The following RBFOX1 variants were observed in gnomAD, a reference collection of about 807,000 sequenced individuals.
RBFOX1 encodes the protein RNA binding protein fox-1 homolog 1.
A neutral mutation model predicts 57.7 loss-of-function variants in RBFOX1; 8 were observed. That is an observed-to-expected ratio of 0.14 (90% CI 0.08 to 0.25). The LOEUF (loss-of-function observed/expected upper bound fraction) is 0.25. Ranked by LOEUF, RBFOX1 falls within the 10% of genes least tolerant of loss-of-function variation. The pLI is 1.00. For synonymous variants in RBFOX1, 326 were observed against 222.4 expected (o/e 1.47, Z -4.15); for missense variants, 611 against 548.5 (o/e 1.11, Z -1.14).
At chr16:5,636,275 G>T (rs1236899523) in intron 3 of RBFOX1, among the ~76,000 whole-genome samples, 1 of 152,204 alleles carries the variant, frequency 6.6e-6, no homozygotes, top group Non-Finnish European at 1.5e-5. Flanking sequence ...TTAAACCCGG[G>T]AGGTGGAAGT....
intron 1 of RBFOX1, among the ~76,000 whole-genome samples, chr16:5,339,659 A>G (rs1342557565): frequency 1.3e-5 from 2 of 151,338 alleles, no homozygotes; most frequent in Admixed American, 1.3e-4. Context: ...TTGTATTTTT[A>G]GTAGAGATGG....
intron 4 of RBFOX1, among the ~76,000 whole-genome samples, chr16:7,079,351 A>G (rs1376170754): frequency 2.0e-5 from 3 of 152,188 alleles, no homozygotes; most frequent in African/African-American, 7.2e-5. Context: ...GAAGGGGAGC[A>G]GAGGAAAGGT....
chr16:7,566,890 C>T (rs2091814533), intron 5 of RBFOX1, among the ~76,000 whole-genome samples: 1 of 151,838 alleles, frequency 6.6e-6, no homozygotes, highest in Non-Finnish European at 1.5e-5. Context: ...GTATTTTCCC[C>T]CCAAAAGGTG....
intron 4 of RBFOX1, among the ~76,000 whole-genome samples, chr16:7,460,561 AC>A (rs1035746854): frequency 6.8e-6 from 1 of 147,434 alleles, no homozygotes; most frequent in African/African-American, 2.6e-5. Context: ...AGTGGGGTCT[AC>A]CAGAGGGTGG....
At chr16:7,202,558 G>T (rs1269276744) in intron 4 of RBFOX1, among the ~76,000 whole-genome samples, 5 of 152,290 alleles carry the variant, frequency 3.3e-5, no homozygotes. Flanking sequence ...GGCCTGTTAG[G>T]AATTGGGCTG....
At chr16:5,983,912 T>TCCCC (rs2060224792) in intron 4 of RBFOX1, among the ~76,000 whole-genome samples, 6 of 130,476 alleles carry the variant, frequency 4.6e-5, no homozygotes, top group Admixed American at 8.1e-5. Context: ...CTCCTCCTCC[T>TCCCC]CTTCCTCCTC....
chr16:6,660,263 A>G lies in RBFOX1; in HGVS notation c.-16+5613A>G, dbSNP rs181103924. 1.5e-4 allele frequency among the ~76,000 whole-genome samples: 23 copies of G among 151,718 alleles called. No individual in the cohort carries two copies. The East Asian group carries it at 4.1e-3, about 27-fold the overall frequency. On this transcript the variant is annotated intron_variant, in intron 3 of 15. Transcript: ENST00000550418. The stretch of plus-strand genomic sequence containing the variant: ...AAAAGCAAGAAATTCTTGCTTAAAG[A>G]GTATTACGGAAAATAGCTAATGCAT...
intron 3 of RBFOX1, among the ~76,000 whole-genome samples, chr16:5,678,875 G>T (rs956818181): frequency 5.9e-5 from 9 of 152,170 alleles, no homozygotes; most frequent in African/African-American, 1.9e-4. Flanking sequence ...TGTAGACCCA[G>T]CTCATGGGTA....
intron 4 of RBFOX1, among the ~76,000 whole-genome samples, chr16:7,299,823 C>T (rs140141958): frequency 2.0e-5 from 3 of 152,338 alleles, no homozygotes; most frequent in African/African-American, 7.2e-5. Flanking sequence ...TGTAGACATG[C>T]TCCTCAGTTT....
At position 7,642,433 on chromosome 16, in the gene RBFOX1, G is replaced by A. The variant is rs147739477; in HGVS notation, c.758-11382G>A. Among the ~76,000 whole-genome samples the A allele has an allele frequency of 1.5e-3, 234 of 152,166 alleles. 1 individual carries two copies. The highest frequency in any genetic ancestry group is 2.6e-3 in the Non-Finnish European group (180 of 68,020). On this transcript the variant is annotated intron_variant, in intron 11 of 15. Coordinates refer to ENST00000550418, the MANE Select transcript of RBFOX1 (RefSeq NM_018723.4). The stretch of plus-strand genomic sequence containing the variant: ...GAAATGAACAATGCATGTGCGTCGC[G>A]TACCCATCTTGTGAGCCACCGTCAG...
At chr16:6,664,673 C>T (rs1023611997) in intron 3 of RBFOX1, among the ~76,000 whole-genome samples, 1 of 152,182 alleles carries the variant, frequency 6.6e-6, no homozygotes, top group African/African-American at 2.4e-5. Context: ...AATCCAGTGT[C>T]TGAAATTGCG....
At chr16:6,043,806 T>A (rs1002685195) in intron 1 of RBFOX1, among the ~76,000 whole-genome samples, 1 of 152,040 alleles carries the variant, frequency 6.6e-6, no homozygotes, top group Admixed American at 6.6e-5. Context: ...GGTGGGAGAT[T>A]GGAGGGAGGT....
chr16:6,907,910 T>A (rs972511582), intron 3 of RBFOX1, among the ~76,000 whole-genome samples: 17 of 151,640 alleles, frequency 1.1e-4, no homozygotes, highest in African/African-American at 3.6e-4. Context: ...GGGTGCTCCT[T>A]GCTTGTAGAT....
intron 3 of RBFOX1, among the ~76,000 whole-genome samples, chr16:6,773,536 G>A (rs2078790408): frequency 1.5e-5 from 2 of 129,564 alleles, no homozygotes; most frequent in African/African-American, 6.0e-5. Flanking sequence ...CATTTGTGTT[G>A]GGGGGCATAG....
chr16:7,172,861 G>T (rs578229402), intron 4 of RBFOX1, among the ~76,000 whole-genome samples: 35 of 152,256 alleles, frequency 2.3e-4, no homozygotes, highest in African/African-American at 8.4e-4. Flanking sequence ...TGGGGAGATG[G>T]TTATCTGCCT....
chr16:6,611,457 G>A (rs2154025067), intron 2 of RBFOX1, among the ~76,000 whole-genome samples: 1 of 152,216 alleles, frequency 6.6e-6, no homozygotes, highest in East Asian at 1.9e-4. Context: ...GTCTTCATCT[G>A]CTTTTACATG....
intron 5 of RBFOX1, among the ~76,000 whole-genome samples, chr16:7,537,945 A>G (rs1279675894): frequency 6.6e-6 from 1 of 152,240 alleles, no homozygotes; most frequent in Non-Finnish European, 1.5e-5. Context: ...ATTGATCCCA[A>G]TTAAATTTAT....
chr16:7,171,611 C>G (rs1319153763), intron 4 of RBFOX1, among the ~76,000 whole-genome samples: 2 of 152,168 alleles, frequency 1.3e-5, no homozygotes, highest in Admixed American at 6.5e-5. Flanking sequence ...ACCGTGGTGT[C>G]TTTATCAATG....
At chr16:6,167,172 G>C (rs1292770514) in intron 1 of RBFOX1, among the ~76,000 whole-genome samples, 1 of 152,232 alleles carries the variant, frequency 6.6e-6, no homozygotes, top group African/African-American at 2.4e-5. Flanking sequence ...AAGGGTGTTG[G>C]ATGGGAAGAG....
Sources: allele counts gnomAD v4.1 joint callset (sites outside exome capture counted in the v4.1 genomes callset), GRCh38; gene constraint gnomAD v4.1.1; transcripts MANE v1.5; gene names NCBI Gene and HGNC (gene_info 2026-07-23, HGNC 2026-07-21).